The following AGO3 variants were observed in gnomAD, a reference collection of about 807,000 sequenced individuals.
AGO3 encodes the protein argonaute RISC catalytic component 3.
AGO3 carries 16 observed loss-of-function variants against 105.5 expected under a neutral mutation model. That is an observed-to-expected ratio of 0.15 (90% CI 0.10 to 0.23). The LOEUF (loss-of-function observed/expected upper bound fraction) is 0.23. AGO3 is among the 10% of genes least tolerant of loss of function. The probability of loss-of-function intolerance (pLI) is 1.00; values close to 1 mark genes in which losing one functional copy is unlikely to be tolerated. For synonymous variants in AGO3, 340 were observed against 367.3 expected (o/e 0.93, Z 0.85); for missense variants, 534 against 1,088.0 (o/e 0.49, Z 7.16).
chr1:35,976,010 A>ACAGCAACCTCCGCCTCC (rs1391610495), intron 5 of AGO3, among the ~76,000 whole-genome samples: 2 of 149,988 alleles, frequency 1.3e-5, no homozygotes, highest in Non-Finnish European at 2.9e-5. Flanking sequence ...ATCTCGGCTC[A>ACAGCAACCTCCGCCTCC]CAGCAACCTC....
At chr1:35,945,926 A>G in intron 2 of AGO3, 63 bp downstream of exon 2, 1 of 1,480,048 alleles carries the variant, frequency 6.8e-7, no homozygotes, top group Non-Finnish European at 9.3e-7. Flanking sequence ...ATCCATGTTT[A>G]TTTTGTATAT....
At chr1:35,981,987 G>A (rs1014886606) in intron 5 of AGO3, among the ~76,000 whole-genome samples, 1 of 152,080 alleles carries the variant, frequency 6.6e-6, no homozygotes, top group African/African-American at 2.4e-5. Flanking sequence ...TTATCCCCTA[G>A]TTTCACTAAA....
intron 11 of AGO3, among the ~76,000 whole-genome samples, chr1:36,024,946 A>G (rs1224704310): frequency 6.6e-6 from 1 of 152,098 alleles, no homozygotes; most frequent in Non-Finnish European, 1.5e-5. Flanking sequence ...TTTACTGAGA[A>G]TGCCTCCTTC....
intron 5 of AGO3, among the ~76,000 whole-genome samples, chr1:35,990,010 C>G (rs1158143592): frequency 6.6e-6 from 1 of 152,100 alleles, no homozygotes; most frequent in Non-Finnish European, 1.5e-5. Context: ...TACAGTGTTG[C>G]ATGTAAATTC....
chr1:36,055,598 GAA>G lies in AGO3; in HGVS notation c.2475-37_2475-36del. The stretch of plus-strand genomic sequence containing the variant: ...TTTTCGGAATTATTACATCAGAATA[GAA>G]AGTTTGTTTTTGTGTTCATTGCCAC... On this transcript the variant is annotated intron_variant, in intron 18 of 18. Transcript: ENST00000373191. This position sits in a 1 kb window ranked among gnomAD's most constrained non-coding sequence, Gnocchi z 4.4. 1 of 1,575,188 alleles carries G rather than the reference GAA, an allele frequency of 6.3e-7. No homozygotes were observed. Among genetic ancestry groups the G allele is most frequent in the African/African-American group, 1.3e-5 (1 of 74,208 alleles).
rs530648688 is a variant in AGO3 at position 36,066,541 on chromosome 1, C to T, written c.*10796C>T. 16 of 152,172 alleles carry T rather than the reference C, an allele frequency of 1.1e-4. No homozygotes were observed. Among genetic ancestry groups the T allele is most frequent in the African/African-American group, 2.6e-4 (11 of 41,516 alleles). 9.4% of individuals were successfully genotyped at this position (152,172 alleles called of 1,614,324 possible). On this transcript the variant is annotated 3_prime_UTR_variant, in exon 19 of 19. Coordinates refer to ENST00000373191, the MANE Select transcript of AGO3 (RefSeq NM_024852.4). ...TGCCACTGCACTCCAGCCTGGGCGA[C>T]AAGAGTGAAACTCCGTCTCAAAAAA...
In AGO3 at chr1:35,945,681, T is replaced by A. The variant is rs745384722; in HGVS notation, c.20-11T>A. The stretch of plus-strand genomic sequence containing the variant: ...AACTGTGACTCTTTTTTTTTCCCTT[T>A]CCCCTGGCAGGACCCGCTGGGGCCC... On this transcript the variant is annotated splice_polypyrimidine_tract_variant and intron_variant, in intron 1 of 18. Transcript: ENST00000373191. The A allele has an allele frequency of 3.7e-6, 6 of 1,607,042 alleles. No individual in the cohort carries two copies. In the South Asian group the frequency reaches 6.6e-5, roughly 18 times the overall value.
rs146195103 is a variant in AGO3, at chr1:35,958,247, G to A, written c.192-8708G>A. Among the ~76,000 whole-genome samples the A allele has an allele frequency of 4.4e-3, 674 of 151,986 alleles. 10 individuals are homozygous for A. Among genetic ancestry groups the A allele is most frequent in the African/African-American group, 0.015 (630 of 41,450 alleles). On this transcript the variant is annotated intron_variant, in intron 2 of 18. Transcript: ENST00000373191. ...AATAAAAAAATTAGCCAGGCATGGT[G>A]GTGCGCGTTTGTAATCCCAGCTACC...
rs1315467922 is a variant in AGO3, at chr1:36,058,105, TTG to T, written c.*2364_*2365del. On this transcript the variant is annotated 3_prime_UTR_variant, in exon 19 of 19. Coordinates refer to ENST00000373191, the MANE Select transcript of AGO3 (RefSeq NM_024852.4). ...CATATTTAAATTATTTGCAAATAGA[TTG>T]TGTTTATTGAAGAATCATATTGGCT... 2.0e-5 allele frequency: 3 copies of T among 152,224 alleles called. No individual in the cohort carries two copies. The highest frequency in any genetic ancestry group is 7.2e-5 in the African/African-American group (3 of 41,460). The allele number at this position is 152,224 out of a possible 1,614,324, so 9.4% of individuals were successfully genotyped here. A position where few individuals can be genotyped will look rare whatever the true frequency, so the allele number is the denominator to read the frequency against.
chr1:36,049,774 G>C (rs1208974150), intron 17 of AGO3, among the ~76,000 whole-genome samples: 1 of 152,042 alleles, frequency 6.6e-6, no homozygotes, highest in African/African-American at 2.4e-5. Flanking sequence ...ATTTAAGTTA[G>C]ACAAAACAGA....
chr1:35,946,674 G>A (rs544281619), intron 2 of AGO3, among the ~76,000 whole-genome samples: 60 of 152,326 alleles, frequency 3.9e-4, no homozygotes, highest in African/African-American at 1.4e-3. Context: ...AATAAGACAT[G>A]TAAGAAGTAT....
chr1:35,935,606 A>G (rs1646134150), intron 1 of AGO3, among the ~76,000 whole-genome samples: 2 of 152,246 alleles, frequency 1.3e-5, no homozygotes, highest in Non-Finnish European at 2.9e-5. Flanking sequence ...CAGTATGCAA[A>G]GAGGCCTGGG....
intron 13 of AGO3, among the ~76,000 whole-genome samples, chr1:36,035,975 G>C (rs1641987021): frequency 6.7e-6 from 1 of 149,206 alleles, no homozygotes; most frequent in South Asian, 2.1e-4. Flanking sequence ...GGAGCTTGCA[G>C]TGAGCCGAGA....
chr1:35,932,236 T>G (rs997863618), intron 1 of AGO3, among the ~76,000 whole-genome samples: 4 of 152,210 alleles, frequency 2.6e-5, no homozygotes, highest in Admixed American at 6.5e-5. Flanking sequence ...TCTAAAGTAA[T>G]TAATTCAGGG....
chr1:36,058,249 A>G lies in AGO3; in HGVS notation c.*2504A>G, dbSNP rs1217064282. ...TTTAAAATTAAGGTGATAGTAACAA[A>G]GGAAGTTAGGACTTTGATCATTTTA... On this transcript the variant is annotated 3_prime_UTR_variant, in exon 19 of 19. Transcript: ENST00000373191. 1 of 152,214 alleles carries G rather than the reference A, an allele frequency of 6.6e-6. No homozygotes were observed. The highest frequency in any genetic ancestry group is 1.5e-5 in the Non-Finnish European group (1 of 68,044). The allele number at this position is 152,214 out of a possible 1,614,324, so 9.4% of individuals were successfully genotyped here.
At chr1:35,930,911 G>C (rs1380705805), upstream of AGO3, 5 of 263,432 alleles carry the variant, frequency 1.9e-5, no homozygotes, top group Admixed American at 1.1e-4. Context: ...TCTCCGGCCG[G>C]CACGGCCCGG....
intron 5 of AGO3, among the ~76,000 whole-genome samples, chr1:35,995,086 G>A (rs1377784481): frequency 1.3e-5 from 2 of 151,040 alleles, no homozygotes; most frequent in Non-Finnish European, 1.5e-5. Context: ...CTGTGGTCCC[G>A]GCTACTCGGG....
At chr1:36,049,846 A>G (rs995252593) in intron 17 of AGO3, among the ~76,000 whole-genome samples, 7 of 152,228 alleles carry the variant, frequency 4.6e-5, no homozygotes, top group African/African-American at 9.6e-5. Flanking sequence ...AAAGGGATCA[A>G]TTTACCAAGA....
intron 5 of AGO3, among the ~76,000 whole-genome samples, chr1:36,002,858 A>G (rs572706439): frequency 1.1e-4 from 16 of 152,252 alleles, no homozygotes; most frequent in African/African-American, 1.7e-4. Context: ...TGCTGGGATT[A>G]CAGGCATGAG....
Sources: gnomAD v4.1 joint callset for allele counts (sites outside exome capture counted in the v4.1 genomes callset) on GRCh38, gnomAD v4.1.1 for gene constraint, Gnocchi (gnomAD v3.1) non-coding constraint, MANE v1.5 for transcripts, NCBI Gene and HGNC (gene_info 2026-07-23, HGNC 2026-07-21) for gene names.